MDFIC2: variants seen among roughly 807,000 people sequenced by gnomAD.
MDFIC2 encodes MyoD family inhibitor domain containing 2, also known as myoD family inhibitor domain-containing protein 2.
chr3:70,308,614 C>A (rs1191716917), intron 2 of MDFIC2, among the ~76,000 whole-genome samples: 6 of 152,088 alleles, frequency 3.9e-5, no homozygotes, highest in Non-Finnish European at 8.8e-5. Context: ...CTGGCAAAAG[C>A]AAGACGATTG....
At chr3:70,278,503 T>C (rs1702049762) in intron 2 of MDFIC2, among the ~76,000 whole-genome samples, 1 of 152,218 alleles carries the variant, frequency 6.6e-6, no homozygotes, top group African/African-American at 2.4e-5. Context: ...ATGGTCCCAA[T>C]TTATACATCC....
At chr3:70,310,034 G>A (rs1702440847) in intron 2 of MDFIC2, among the ~76,000 whole-genome samples, 1 of 152,130 alleles carries the variant, frequency 6.6e-6, no homozygotes, top group South Asian at 2.1e-4. Flanking sequence ...CACCATAAGT[G>A]GTGGTGAAGA....
chr3:70,307,122 A>C (rs1702409400), intron 2 of MDFIC2, among the ~76,000 whole-genome samples: 1 of 152,134 alleles, frequency 6.6e-6, no homozygotes, highest in South Asian at 2.1e-4. Context: ...AGAAGCTGCA[A>C]ACTGGCAGTC....
chr3:70,258,331 A>G (rs1180664100), intron 2 of MDFIC2, among the ~76,000 whole-genome samples: 1 of 152,174 alleles, frequency 6.6e-6, no homozygotes, highest in Admixed American at 6.5e-5. Context: ...GAAAAATACC[A>G]TCAAGAAAAT....
intron 2 of MDFIC2, among the ~76,000 whole-genome samples, chr3:70,274,795 T>C (rs1702006059): frequency 1.3e-5 from 2 of 152,202 alleles, no homozygotes; most frequent in Non-Finnish European, 2.9e-5. Context: ...AACTTCCAAA[T>C]TGAATAGGTA....
At chr3:70,239,155 T>C (rs1407890785) in intron 2 of MDFIC2, among the ~76,000 whole-genome samples, 1 of 152,186 alleles carries the variant, frequency 6.6e-6, no homozygotes, top group Non-Finnish European at 1.5e-5. Flanking sequence ...TTTGCAATAG[T>C]GAAAAGTGGG....
At chr3:70,309,033 CT>C (rs965199450) in intron 2 of MDFIC2, among the ~76,000 whole-genome samples, 1 of 152,110 alleles carries the variant, frequency 6.6e-6, no homozygotes, top group Non-Finnish European at 1.5e-5. Context: ...GAGAAAAACA[CT>C]TTTTTGAACA....
At chr3:70,246,578 A>G (rs1300239676) in intron 2 of MDFIC2, among the ~76,000 whole-genome samples, 1 of 152,234 alleles carries the variant, frequency 6.6e-6, no homozygotes, top group Non-Finnish European at 1.5e-5. Flanking sequence ...AGTTGTTAGT[A>G]TAAGGATGTT....
At chr3:70,293,626 C>T (rs1028422893) in intron 2 of MDFIC2, among the ~76,000 whole-genome samples, 8 of 151,976 alleles carry the variant, frequency 5.3e-5, no homozygotes, top group Non-Finnish European at 5.9e-5. Context: ...TGGTTTTTGC[C>T]ACCAAATAAG....
intron 2 of MDFIC2, chr3:70,291,804 T>C (rs1238996344): frequency 6.6e-6 from 1 of 152,228 alleles, no homozygotes; most frequent in African/African-American, 2.4e-5. Flanking sequence ...GAATAATACA[T>C]TGTCTTTTTA....
intron 2 of MDFIC2, among the ~76,000 whole-genome samples, chr3:70,295,623 T>G (rs1488166413): frequency 6.6e-6 from 1 of 152,096 alleles, no homozygotes; most frequent in South Asian, 2.1e-4. Context: ...GCCCAAGAGG[T>G]TGAGCCTGCA....
intron 2 of MDFIC2, among the ~76,000 whole-genome samples, chr3:70,223,705 T>C (rs1329618599): frequency 6.6e-6 from 1 of 152,170 alleles, no homozygotes; most frequent in Non-Finnish European, 1.5e-5. Flanking sequence ...TTCCCAGTTT[T>C]AAGAGCATCC....
chr3:70,301,068 A>G (rs909606837), intron 2 of MDFIC2, among the ~76,000 whole-genome samples: 2 of 152,112 alleles, frequency 1.3e-5, no homozygotes, highest in Non-Finnish European at 2.9e-5. Flanking sequence ...TTTAAAAAAG[A>G]CGATGTTAGC....
At chr3:70,253,493 C>A (rs1184439763) in intron 2 of MDFIC2, among the ~76,000 whole-genome samples, 1 of 152,170 alleles carries the variant, frequency 6.6e-6, no homozygotes, top group Admixed American at 6.5e-5. Flanking sequence ...GTGGCTCATG[C>A]CTGTCATCCC....
At chr3:70,269,257 A>C (rs1701952433) in intron 2 of MDFIC2, among the ~76,000 whole-genome samples, 1 of 152,232 alleles carries the variant, frequency 6.6e-6, no homozygotes, top group South Asian at 2.1e-4. Flanking sequence ...AGAACCAATA[A>C]ATTCCAAAAA....
intron 2 of MDFIC2, among the ~76,000 whole-genome samples, chr3:70,309,874 C>A (rs758128250): frequency 2.0e-5 from 3 of 152,120 alleles, no homozygotes; most frequent in Non-Finnish European, 2.9e-5. Flanking sequence ...TACAAGAATT[C>A]AATGCCTACG....
At chr3:70,311,182 T>C (rs1996815) in intron 2 of MDFIC2, among the ~76,000 whole-genome samples, 133 of 152,056 alleles carry the variant, frequency 8.7e-4, no homozygotes, top group African/African-American at 2.9e-3. Context: ...TACAATATAA[T>C]AGATTCATTA....
At chr3:70,309,880 C>T (rs1011512951) in intron 2 of MDFIC2, among the ~76,000 whole-genome samples, 9 of 152,100 alleles carry the variant, frequency 5.9e-5, no homozygotes, top group Non-Finnish European at 1.2e-4. Flanking sequence ...AATTCAATGC[C>T]TACGCTGTAC....
At chr3:70,302,124 G>A (rs562660584) in intron 2 of MDFIC2, among the ~76,000 whole-genome samples, 1 of 152,126 alleles carries the variant, frequency 6.6e-6, no homozygotes, top group Non-Finnish European at 1.5e-5. Context: ...CAAAACTACT[G>A]TCATTGCCCT....
Sources: allele counts gnomAD v4.1 joint callset (sites outside exome capture counted in the v4.1 genomes callset), GRCh38; gene constraint gnomAD v4.1.1; transcripts MANE v1.5; gene names NCBI Gene and HGNC (gene_info 2026-07-23, HGNC 2026-07-21).